SNTG1: variants seen among roughly 807,000 people sequenced by gnomAD.
SNTG1 encodes the protein gamma-1-syntrophin.
A neutral mutation model predicts 74.7 loss-of-function variants in SNTG1; 39 were observed. That is an observed-to-expected ratio of 0.52 (90% CI 0.40 to 0.68). The LOEUF (loss-of-function observed/expected upper bound fraction) is 0.68, where lower values mean the gene tolerates loss of function less well. Ranked by LOEUF, SNTG1 falls within the 30% of genes least tolerant of loss-of-function variation. The pLI is 0.00. For synonymous variants in SNTG1, 254 were observed against 217.1 expected, an observed-to-expected ratio of 1.17 and a Z score of -1.49; for missense variants, 685 against 609.5, an observed-to-expected ratio of 1.12 and a Z score of -1.30.
intron 12 of SNTG1, among the ~76,000 whole-genome samples, chr8:50,570,084 G>A (rs186051830): frequency 2.0e-4 from 30 of 151,724 alleles, no homozygotes; most frequent in African/African-American, 3.6e-4. Context: ...AGTACTCACC[G>A]GAACTTAATT....
At chr8:50,298,873 T>A (rs1311588579) in intron 2 of SNTG1, among the ~76,000 whole-genome samples, 2 of 152,202 alleles carry the variant, frequency 1.3e-5, no homozygotes, top group African/African-American at 4.8e-5. Context: ...GACACTTTAT[T>A]CTTTGGTTGG....
intron 1 of SNTG1, among the ~76,000 whole-genome samples, chr8:50,051,304 G>A (rs1214550273): frequency 4.1e-5 from 6 of 145,184 alleles, no homozygotes; most frequent in Non-Finnish European, 4.5e-5. Flanking sequence ...AATTAAAAAC[G>A]TAGCAAGATA....
chr8:50,300,030 T>G (rs938562103), intron 2 of SNTG1, among the ~76,000 whole-genome samples: 1 of 152,140 alleles, frequency 6.6e-6, no homozygotes, highest in African/African-American at 2.4e-5. Context: ...CACTTATAAT[T>G]GCTGAATAAA....
intron 1 of SNTG1, among the ~76,000 whole-genome samples, chr8:49,941,933 A>G (rs2129376626): frequency 6.6e-6 from 1 of 152,312 alleles, no homozygotes; most frequent in South Asian, 2.1e-4. Flanking sequence ...CTGGAGTAAA[A>G]ATTTCGAGAA....
intron 1 of SNTG1, among the ~76,000 whole-genome samples, chr8:50,077,953 T>A (rs1196218834): frequency 2.0e-5 from 3 of 152,170 alleles, no homozygotes; most frequent in Admixed American, 2.0e-4. Flanking sequence ...AAATGTGTGA[T>A]GTGTGTATTT....
chr8:50,583,721 T>C (rs1012892537), intron 12 of SNTG1, among the ~76,000 whole-genome samples: 1 of 152,066 alleles, frequency 6.6e-6, no homozygotes. Context: ...GAGCTTTTTT[T>C]TTTTTTTCTG....
At chr8:50,265,422 C>A (rs2087413617) in intron 2 of SNTG1, among the ~76,000 whole-genome samples, 1 of 151,926 alleles carries the variant, frequency 6.6e-6, no homozygotes, top group African/African-American at 2.4e-5. Context: ...AAATATAACA[C>A]CATTTTATAG....
chr8:50,130,754 C>A (rs745878226), intron 1 of SNTG1, among the ~76,000 whole-genome samples: 1 of 151,880 alleles, frequency 6.6e-6, no homozygotes, highest in South Asian at 2.1e-4. Flanking sequence ...TAATACTGAG[C>A]AAAAAATTAT....
In SNTG1 at chr8:50,342,357, A is replaced by G. The variant is rs376114656; in HGVS notation, c.-27-51855A>G. 5.9e-5 allele frequency among the ~76,000 whole-genome samples: 9 copies of G among 152,264 alleles called. No individual in the cohort carries two copies. The East Asian group carries it at 1.4e-3, about 23-fold the overall frequency. ...ATAGGCAAATTCACCTGACATCATC[A>G]TTGTGTTTTGCATGAACAATAATTG... On this transcript the variant is annotated intron_variant, in intron 2 of 18. Transcript: ENST00000642720.
chr8:50,287,384 T>G (rs768332417), intron 2 of SNTG1, among the ~76,000 whole-genome samples: 3 of 152,196 alleles, frequency 2.0e-5, no homozygotes, highest in Non-Finnish European at 2.9e-5. Flanking sequence ...GTCTGAAAGT[T>G]AACGTCGTTG....
At chr8:50,474,432 T>A (rs2093679164) in intron 8 of SNTG1, among the ~76,000 whole-genome samples, 1 of 150,082 alleles carries the variant, frequency 6.7e-6, no homozygotes, top group South Asian at 2.1e-4. Context: ...GAATAGACAC[T>A]TCTAAAAAGA....
chr8:50,429,876 C>G (rs904101909), intron 4 of SNTG1, among the ~76,000 whole-genome samples: 5 of 151,886 alleles, frequency 3.3e-5, no homozygotes, highest in Non-Finnish European at 7.4e-5. Flanking sequence ...GAACAAAGTG[C>G]CATCAGGGAA....
At chr8:50,090,374 T>G (rs1039828010) in intron 1 of SNTG1, among the ~76,000 whole-genome samples, 4 of 152,116 alleles carry the variant, frequency 2.6e-5, no homozygotes, top group Non-Finnish European at 4.4e-5. Flanking sequence ...TTCTCTCACT[T>G]TGTTTCTCTT....
intron 13 of SNTG1, among the ~76,000 whole-genome samples, chr8:50,630,581 T>A (rs1221823433): frequency 1.3e-5 from 2 of 152,200 alleles, no homozygotes; most frequent in African/African-American, 2.4e-5. Context: ...GAATTTATTT[T>A]ATATATAAAT....
intron 2 of SNTG1, among the ~76,000 whole-genome samples, chr8:50,348,810 T>C (rs2091560514): frequency 6.6e-6 from 1 of 152,230 alleles, no homozygotes; most frequent in Non-Finnish European, 1.5e-5. Flanking sequence ...GCAAATGCTT[T>C]GTATTTCCAT....
chr8:50,703,175 G>A (rs2095431915), intron 15 of SNTG1, among the ~76,000 whole-genome samples: 1 of 152,132 alleles, frequency 6.6e-6, no homozygotes, highest in Non-Finnish European at 1.5e-5. Flanking sequence ...ACTTTACAAA[G>A]TTAATTTTTT....
At chr8:49,980,602 G>A (rs1351227189) in intron 1 of SNTG1, among the ~76,000 whole-genome samples, 1 of 146,886 alleles carries the variant, frequency 6.8e-6, no homozygotes, top group African/African-American at 2.5e-5. Flanking sequence ...CCTCTCAGCT[G>A]CCCAGCCGAC....
At chr8:49,944,479 A>ATCATTCTC (rs1409441818) in intron 1 of SNTG1, among the ~76,000 whole-genome samples, 3 of 149,696 alleles carry the variant, frequency 2.0e-5, no homozygotes, top group Non-Finnish European at 4.4e-5. Context: ...TCGCAAGGAC[A>ATCATTCTC]AAAAAACCAA....
chr8:50,780,772 T>C (rs2095656868), intron 18 of SNTG1, among the ~76,000 whole-genome samples: 1 of 152,226 alleles, frequency 6.6e-6, no homozygotes, highest in African/African-American at 2.4e-5. Flanking sequence ...CTCTTGTTTT[T>C]CTAGTTCTTT....
Sources: gnomAD v4.1 joint callset for allele counts (sites outside exome capture counted in the v4.1 genomes callset) on GRCh38, gnomAD v4.1.1 for gene constraint, MANE v1.5 for transcripts, NCBI Gene and HGNC (gene_info 2026-07-23, HGNC 2026-07-21) for gene names.